C1GALT1: variants seen among roughly 807,000 people sequenced by gnomAD.
C1GALT1 encodes core 1 synthase, glycoprotein-N-acetylgalactosamine 3-beta-galactosyltransferase 1, also known as glycoprotein-N-acetylgalactosamine 3-beta-galactosyltransferase 1.
In C1GALT1, 11 loss-of-function variants were observed where a neutral mutation model predicts 31.0. The observed-to-expected ratio is 0.36, with a 90% confidence interval of 0.22 to 0.59. C1GALT1 has a LOEUF of 0.59. C1GALT1 is among the 20% of genes least tolerant of loss of function. The pLI is 0.79. For synonymous variants in C1GALT1, 175 were observed against 143.6 expected (o/e 1.22, Z -1.56); for missense variants, 424 against 425.2 (o/e 1.00, Z 0.03).
chr7:7,164,687 G>A (rs973083910), intron 2 of C1GALT1, among the ~76,000 whole-genome samples: 1 of 152,124 alleles, frequency 6.6e-6, no homozygotes, highest in African/African-American at 2.4e-5. Context: ...GAGTATCACA[G>A]GTCAGGGAAG....
intron 1 of C1GALT1, among the ~76,000 whole-genome samples, chr7:7,228,047 C>A (rs182690135): frequency 1.1e-4 from 16 of 152,260 alleles, no homozygotes; most frequent in Non-Finnish European, 1.6e-4. Context: ...TGTCTGAATT[C>A]ATCTGTAAAT....
chr7:7,202,264 G>T (rs1413664164), intron 1 of C1GALT1, among the ~76,000 whole-genome samples: 1 of 152,098 alleles, frequency 6.6e-6, no homozygotes, highest in African/African-American at 2.4e-5. Context: ...TTCCTGGTAC[G>T]TTCCCGTGGT....
chr7:7,166,312 T>G (rs1780391880), intron 2 of C1GALT1, among the ~76,000 whole-genome samples: 1 of 152,180 alleles, frequency 6.6e-6, no homozygotes, highest in Admixed American at 6.6e-5. Context: ...AATAGAATAT[T>G]ACTGAACAAT....
At chr7:7,208,680 C>T (rs1278370740) in intron 1 of C1GALT1, among the ~76,000 whole-genome samples, 1 of 152,146 alleles carries the variant, frequency 6.6e-6, no homozygotes, top group African/African-American at 2.4e-5. Flanking sequence ...AGCCCCTGCA[C>T]CTATATCTTC....
In C1GALT1 at chr7:7,201,966, C is replaced by T. The variant is rs565950308; in HGVS notation, c.-18+19146C>T. ...CACTGGCAGCTCTCCCCAAGGGCCT[C>T]TGTGAGACAAAGTCAGGAATGGCTT... On this transcript the variant is annotated intron_variant, in intron 1 of 3. Coordinates refer to ENST00000436587, the MANE Select transcript of C1GALT1 (RefSeq NM_020156.5). Among the ~76,000 whole-genome samples the T allele has an allele frequency of 4.6e-5, 7 of 152,346 alleles. No individual in the cohort carries two copies. The South Asian group carries it at 1.5e-3, about 32-fold the overall frequency.
intron 2 of C1GALT1, among the ~76,000 whole-genome samples, chr7:7,175,196 G>T (rs1392070808): frequency 6.6e-6 from 1 of 152,202 alleles, no homozygotes; most frequent in Non-Finnish European, 1.5e-5. Context: ...TTATTTCAAA[G>T]ACTGTATTCC....
intron 1 of C1GALT1, among the ~76,000 whole-genome samples, chr7:7,224,620 C>A (rs371066741): frequency 7.9e-5 from 12 of 152,024 alleles, no homozygotes; most frequent in Non-Finnish European, 1.2e-4. Flanking sequence ...CAAATTTATA[C>A]GTGTAGAGTT....
At chr7:7,188,474 T>C (rs1223249389) in intron 1 of C1GALT1, among the ~76,000 whole-genome samples, 1 of 152,218 alleles carries the variant, frequency 6.6e-6, no homozygotes, top group African/African-American at 2.4e-5. Flanking sequence ...TAGTGGACTT[T>C]AATTTTTATC....
intron 2 of C1GALT1, among the ~76,000 whole-genome samples, chr7:7,174,869 T>A (rs1282819844): frequency 6.6e-6 from 1 of 152,210 alleles, no homozygotes; most frequent in Non-Finnish European, 1.5e-5. Context: ...TAGTTCACTG[T>A]CAATGTTTTC....
chr7:7,167,695 T>C (rs185043220), intron 2 of C1GALT1, among the ~76,000 whole-genome samples: 325 of 152,194 alleles, frequency 2.1e-3, no homozygotes, highest in African/African-American at 7.4e-3. Context: ...TTCACCAAAA[T>C]TTGGACCCCC....
intron 1 of C1GALT1, among the ~76,000 whole-genome samples, chr7:7,230,573 C>G (rs1471319088): frequency 2.7e-5 from 4 of 148,002 alleles, no homozygotes; most frequent in Admixed American, 2.7e-4. Flanking sequence ...GGTTCTAAAT[C>G]AACCACCTTA....
chr7:7,214,515 T>C (rs1782141283), intron 1 of C1GALT1, among the ~76,000 whole-genome samples: 1 of 152,220 alleles, frequency 6.6e-6, no homozygotes, highest in Non-Finnish European at 1.5e-5. Context: ...GGAAATCCTT[T>C]TAAATCCCCT....
intron 1 of C1GALT1, among the ~76,000 whole-genome samples, chr7:7,211,189 A>G (rs1781988278): frequency 6.6e-6 from 1 of 152,210 alleles, no homozygotes; most frequent in Non-Finnish European, 1.5e-5. Flanking sequence ...AGTATTGAGT[A>G]TACAGGGCCC....
chr7:7,216,659 A>G (rs1782258130), intron 1 of C1GALT1, among the ~76,000 whole-genome samples: 1 of 152,322 alleles, frequency 6.6e-6, no homozygotes, highest in Non-Finnish European at 1.5e-5. Context: ...AACTTCCCTT[A>G]CTAATTAAGT....
intron 1 of C1GALT1, among the ~76,000 whole-genome samples, chr7:7,231,090 T>C (rs937464638): frequency 3.3e-5 from 5 of 152,312 alleles, no homozygotes; most frequent in African/African-American, 1.2e-4. Context: ...TCTGAACATG[T>C]TTTTAAGGCT....
Position 7,238,130 on chromosome 7 carries a change from C to A in C1GALT1, c.221-125C>A. 2.1e-6 allele frequency: 2 copies of A among 940,778 alleles called. No individual in the cohort carries two copies. Among genetic ancestry groups the A allele is most frequent in the Non-Finnish European group, 3.1e-6 (2 of 647,532 alleles). The allele number at this position is 940,778 out of a possible 1,614,324, so 58.3% of individuals were successfully genotyped here. A position where few individuals can be genotyped will look rare whatever the true frequency, so the allele number is the denominator to read the frequency against. ...TTAGGATGAGTTTGCTTTCCTTTGG[C>A]TAAATCACTAATAGAGGGATAAATA... On this transcript the variant is annotated intron_variant, in intron 2 of 3. Coordinates refer to ENST00000436587, the MANE Select transcript of C1GALT1 (RefSeq NM_020156.5). The surrounding 1 kb of genome is among the most constrained non-coding windows in gnomAD (Gnocchi z 5.2).
chr7:7,230,819 C>G (rs754273135), intron 1 of C1GALT1, among the ~76,000 whole-genome samples: 72 of 151,178 alleles, frequency 4.8e-4, no homozygotes, highest in Non-Finnish European at 8.3e-4. Context: ...CTTTAGAGCT[C>G]TTAAACTCTA....
chr7:7,209,833 A>G (rs150182531), intron 1 of C1GALT1, among the ~76,000 whole-genome samples: 1 of 152,166 alleles, frequency 6.6e-6, no homozygotes, highest in Admixed American at 6.5e-5. Context: ...AAGGAGAGTC[A>G]GCGAAGGGAG....
intron 1 of C1GALT1, among the ~76,000 whole-genome samples, chr7:7,199,555 T>C (rs903743097): frequency 2.6e-5 from 4 of 152,188 alleles, no homozygotes; most frequent in African/African-American, 9.7e-5. Flanking sequence ...CTATTAGGTC[T>C]GCTTGGTGCA....
Sources: gnomAD v4.1 joint callset for allele counts (sites outside exome capture counted in the v4.1 genomes callset) on GRCh38, gnomAD v4.1.1 for gene constraint, Gnocchi (gnomAD v3.1) non-coding constraint, MANE v1.5 for transcripts, NCBI Gene and HGNC (gene_info 2026-07-23, HGNC 2026-07-21) for gene names.